ERBB2: variants seen among roughly 807,000 people sequenced by gnomAD.
ERBB2 encodes the protein receptor tyrosine-protein kinase erbB-2.
In ERBB2, 61 loss-of-function variants were observed where a neutral mutation model predicts 149.0. The ratio of observed to expected loss-of-function variants is 0.41; its 90% confidence interval spans 0.33 to 0.51. The LOEUF is 0.51. Among genes scored for constraint, ERBB2 ranks in the 20% least tolerant of loss-of-function variants. The pLI is 0.25. For missense variants in ERBB2, 1,205 were observed against 1,655.1 expected (o/e 0.73, Z 4.72); for synonymous variants, 633 against 678.8 (o/e 0.93, Z 1.05).
upstream of ERBB2, among the ~76,000 whole-genome samples, chr17:39,695,704 T>TACACACACACACACAC (rs56249643): frequency 0.016 from 1,504 of 96,616 alleles, 106 homozygotes; most frequent in East Asian, 0.041. Context: ...GGTGCATGCA[T>TACACACACACACACAC]ACACACACAC....
At chr17:39,718,735 C>T (rs2059288588) in intron 15 of ERBB2, among the ~76,000 whole-genome samples, 1 of 151,962 alleles carries the variant, frequency 6.6e-6, no homozygotes, top group Non-Finnish European at 1.5e-5. Context: ...GGATCTACCA[C>T]CTTTATTTTT....
rs2145749025 is a variant in ERBB2, at chr17:39,719,824, C to G, written c.1936C>G (p.Gln646Glu). 6.2e-7 allele frequency: 1 copy of G among 1,614,140 alleles called. No individual in the cohort carries two copies. ...GGATGACAAGGGCTGCCCCGCCGAG[C>G]AGAGAGCCAGGTTGGCCTGGACCCC... Reference protein sequence around the residue: ...DLDDKGCPAEQRASPLTSIIS... With the variant: ...DLDDKGCPAEERASPLTSIIS... The change falls in exon 16 of 27, where the codon CAG becomes GAG. Residue 646 changes from glutamine (Q) to glutamate (E), a missense_variant. Around this residue, in one of 6 missense-constraint regions of ERBB2, gnomAD observed 569 missense variants for 803.5 expected, o/e 0.71. Coordinates refer to ENST00000269571, the MANE Select transcript of ERBB2 (RefSeq NM_004448.4).
At position 39,725,744 on chromosome 17, in the gene ERBB2, A is replaced by G. The variant is rs2143064243; in HGVS notation, c.2763A>G (p.Lys921=). Residue 921 remains lysine, a synonymous_variant, in exon 23 of 27, where the codon AAA becomes AAG. Transcript: ENST00000269571. This position sits in a 1 kb window ranked among gnomAD's most constrained non-coding sequence, Gnocchi z 4.6. ...GGGAGCTGATGACTTTTGGGGCCAAACCTTACGATGGGATCCCAGCCCGGG... is the reference window on the plus strand; with the variant it reads ...GGGAGCTGATGACTTTTGGGGCCAAGCCTTACGATGGGATCCCAGCCCGGG... ...TVWELMTFGA[K]PYDGIPAREI... is the part of the protein sequence containing the mutation. 1 of 1,613,424 alleles carries G rather than the reference A, an allele frequency of 6.2e-7. No individual in the cohort carries two copies. The highest frequency in any genetic ancestry group is 8.5e-7 in the Non-Finnish European group (1 of 1,179,782).
chr17:39,689,654 C>T (rs1407331446), intron 2 of ERBB2, among the ~76,000 whole-genome samples: 2 of 152,010 alleles, frequency 1.3e-5, no homozygotes, highest in African/African-American at 4.8e-5. Flanking sequence ...GCCTGTAATC[C>T]CAGCACTTTG....
chr17:39,713,856 GA>G (rs2047332428), intron 9 of ERBB2, among the ~76,000 whole-genome samples: 1 of 151,542 alleles, frequency 6.6e-6, no homozygotes, highest in Non-Finnish European at 1.5e-5. Flanking sequence ...AGGAATTCAA[GA>G]ACAGCGTGGG....
chr17:39,712,178 C>G (rs1471108812), intron 8 of ERBB2, 131 bp downstream of exon 8: 1 of 1,525,736 alleles, frequency 6.6e-7, no homozygotes, highest in Admixed American at 1.7e-5. Context: ...ACTCTCTACC[C>G]CTGGCCCCCC....
chr17:39,726,427 G>GCTA lies in ERBB2; in HGVS notation c.2873-132_2873-130dup. Reference sequence around the variant, plus strand: ...CTGGCTGAAGACCCCAGAGTCTGGTGCTACTTCTCTACCACCTGAGGGCTT... The same window carrying GCTA: ...CTGGCTGAAGACCCCAGAGTCTGGTGCTACTACTTCTCTACCACCTGAGGGCTT... On this transcript the variant is annotated intron_variant, in intron 23 of 26. Transcript: ENST00000269571. The surrounding 1 kb of genome is among the most constrained non-coding windows in gnomAD (Gnocchi z 5.1). The GCTA allele has an allele frequency of 4.3e-6, 3 of 694,180 alleles. No homozygotes were observed. Among genetic ancestry groups the GCTA allele is most frequent in the Non-Finnish European group, 7.9e-6 (3 of 379,936 alleles). 43.0% of individuals were successfully genotyped at this position (694,180 alleles called of 1,614,324 possible).
At chr17:39,709,948 T>A (rs2145496494) in intron 5 of ERBB2, 67 bp downstream of exon 5, 1 of 1,528,538 alleles carries the variant, frequency 6.5e-7, no homozygotes, top group Non-Finnish European at 9.1e-7. Context: ...GCAGGTGTCA[T>A]ACAGGTGACA....
Position 39,726,325 on chromosome 17 carries a change from C to A in ERBB2, c.2873-237C>A. 1.9e-6 allele frequency: 1 copy of A among 538,810 alleles called. No homozygotes were observed. The highest frequency in any genetic ancestry group is 3.3e-6 in the Non-Finnish European group (1 of 300,318). The allele number at this position is 538,810 out of a possible 1,614,324, so 33.4% of individuals were successfully genotyped here. A position where few individuals can be genotyped will look rare whatever the true frequency, so the allele number is the denominator to read the frequency against. Reference sequence around the variant, plus strand: ...TCCAGCCTGGGTGACAGAGCGAAACCTCATCTCAAAAAAATAAAAAAGCAA... The same window carrying A: ...TCCAGCCTGGGTGACAGAGCGAAACATCATCTCAAAAAAATAAAAAAGCAA... On this transcript the variant is annotated intron_variant, in intron 23 of 26. Coordinates refer to ENST00000269571, the MANE Select transcript of ERBB2 (RefSeq NM_004448.4). This position sits in a 1 kb window ranked among gnomAD's most constrained non-coding sequence, Gnocchi z 5.1.
upstream of ERBB2, among the ~76,000 whole-genome samples, chr17:39,695,704 TACACACACACACACACAC>T (rs56249643): frequency 4.4e-4 from 43 of 96,656 alleles, no homozygotes; most frequent in South Asian, 3.5e-3. Context: ...GGTGCATGCA[TACACACACACACACACAC>T]ACACACACAC....
chr17:39,696,318 C>A (rs1010421562), upstream of ERBB2, among the ~76,000 whole-genome samples: 1 of 152,188 alleles, frequency 6.6e-6, no homozygotes. Context: ...CTCCTCCCCC[C>A]ATCCCCACTC....
Position 39,711,119 on chromosome 17 carries a change from C to T in ERBB2, c.901+638C>T, listed in dbSNP as rs4252622. 1.6e-3 allele frequency among the ~76,000 whole-genome samples: 242 copies of T among 151,998 alleles called. 1 individual carries two copies. The highest frequency in any genetic ancestry group is 5.6e-3 in the African/African-American group (234 of 41,446). On this transcript the variant is annotated intron_variant, in intron 7 of 26. Transcript: ENST00000269571. ...TTCACCACGTTGGCCAGACTGGTCT[C>T]GAACTCCTGACTTCAGGCGATCCAC...
chr17:39,699,165 A>G (rs1236228398), upstream of ERBB2, among the ~76,000 whole-genome samples: 2 of 152,154 alleles, frequency 1.3e-5, no homozygotes, highest in African/African-American at 2.4e-5. Context: ...GAATTGAGAT[A>G]GAAGTCTTTT....
At chr17:39,702,494 T>A (rs756023959) in intron 1 of ERBB2, among the ~76,000 whole-genome samples, 1 of 152,192 alleles carries the variant, frequency 6.6e-6, no homozygotes, top group Non-Finnish European at 1.5e-5. Context: ...CAGAACTCCT[T>A]CATATTTTAA....
Position 39,708,316 on chromosome 17 carries a change from C to A in ERBB2, c.226-5C>A, listed in dbSNP as rs774414324. 5 of 1,611,326 alleles carry A rather than the reference C, an allele frequency of 3.1e-6. No individual in the cohort carries two copies. The highest frequency in any genetic ancestry group is 4.2e-6 in the Non-Finnish European group (5 of 1,177,860). On this transcript the variant is annotated splice_region_variant and splice_polypyrimidine_tract_variant and intron_variant, in intron 2 of 26. Coordinates refer to ENST00000269571, the MANE Select transcript of ERBB2 (RefSeq NM_004448.4). ...TTTCAGCCCCACTCTGCTTCCCCCTCCCAGGATATCCAGGAGGTGCAGGGC... is the reference window on the plus strand; with the variant it reads ...TTTCAGCCCCACTCTGCTTCCCCCTACCAGGATATCCAGGAGGTGCAGGGC...
At chr17:39,710,012 C>T in intron 5 of ERBB2, 74 bp from the exon 6 acceptor site, 1 of 1,511,906 alleles carries the variant, frequency 6.6e-7, no homozygotes, top group Non-Finnish European at 9.1e-7. Context: ...AGGTAGTCTC[C>T]CTAGAAGGTG....
upstream of ERBB2, among the ~76,000 whole-genome samples, chr17:39,692,726 A>G (rs2057742253): frequency 6.6e-6 from 1 of 151,794 alleles, no homozygotes; most frequent in Non-Finnish European, 1.5e-5. Context: ...TTATTTTTGT[A>G]CCTTTAAAAG....
rs1363569013 is a variant in ERBB2, at chr17:39,723,659, A to G, written c.2207A>G (p.Lys736Arg). 1 of 1,601,680 alleles carries G rather than the reference A, an allele frequency of 6.2e-7. No homozygotes were observed. Among genetic ancestry groups the G allele is most frequent in the Non-Finnish European group, 8.5e-7 (1 of 1,174,262 alleles). Residue 736 changes from lysine to arginine, a missense_variant and splice_region_variant, in exon 18 of 27, where the codon AAG becomes AGG. Physicochemically the swap from Lys to Arg is conservative, Grantham distance 26 (BLOSUM62 2). Transcript: ENST00000269571. The surrounding 1 kb of genome is among the most constrained non-coding windows in gnomAD (Gnocchi z 6.2). ...TCTGGCGCTTTTGGCACAGTCTACA[A>G]GGTCAGGGCCAGGTCCTGGGGTGGG... ...LGSGAFGTVYKGIWIPDGENV... is the reference protein window; with the variant it reads ...LGSGAFGTVYRGIWIPDGENV...
chr17:39,716,974 G>A (rs2059168741), intron 14 of ERBB2: 1 of 433,648 alleles, frequency 2.3e-6, no homozygotes, highest in Non-Finnish European at 4.2e-6. Flanking sequence ...CTGGGGTGTG[G>A]CAAGAATGAA....
Sources: gnomAD v4.1 joint callset for allele counts (sites outside exome capture counted in the v4.1 genomes callset) on GRCh38, gnomAD v4.1.1 for gene constraint, gnomAD v4.1.1 regional missense constraint, Gnocchi (gnomAD v3.1) non-coding constraint, MANE v1.5 for transcripts, NCBI Gene and HGNC (gene_info 2026-07-23, HGNC 2026-07-21) for gene names.